The following ANKRD33B variants were observed in gnomAD, a reference collection of about 807,000 sequenced individuals.
ANKRD33B encodes ankyrin repeat domain-containing protein 33B.
ANKRD33B carries 6 observed loss-of-function variants against 21.5 expected under a neutral mutation model. That is an observed-to-expected ratio of 0.28 (90% confidence interval 0.15 to 0.55). ANKRD33B has a LOEUF of 0.55. Among genes scored for constraint, ANKRD33B ranks in the 20% least tolerant of loss-of-function variants. ANKRD33B has a pLI of 0.94. For synonymous variants in ANKRD33B, 347 were observed against 342.4 expected (o/e 1.01, Z -0.15); for missense variants, 698 against 747.2 (o/e 0.93, Z 0.77).
chr5:10,580,540 C>T (rs913469767), intron 1 of ANKRD33B, among the ~76,000 whole-genome samples: 1 of 152,180 alleles, frequency 6.6e-6, no homozygotes, highest in African/African-American at 2.4e-5. Flanking sequence ...GTTTTCTCTA[C>T]CCTGCTTTCT....
intron 1 of ANKRD33B, among the ~76,000 whole-genome samples, chr5:10,580,003 A>G (rs1481578461): frequency 6.6e-6 from 1 of 151,882 alleles, no homozygotes; most frequent in Non-Finnish European, 1.5e-5. Flanking sequence ...CTCCAGCCCT[A>G]AGCAACCATT....
intron 2 of ANKRD33B, among the ~76,000 whole-genome samples, chr5:10,621,061 G>A (rs1473447): frequency 0.22 from 33,122 of 151,794 alleles, 3,861 homozygotes; most frequent in Non-Finnish European, 0.26. Flanking sequence ...CTTCAATAAC[G>A]CCTTTGTTCT....
At chr5:10,600,758 C>T (rs1402136710) in intron 1 of ANKRD33B, among the ~76,000 whole-genome samples, 1 of 152,140 alleles carries the variant, frequency 6.6e-6, no homozygotes, top group Non-Finnish European at 1.5e-5. Flanking sequence ...TGTGGTTCTT[C>T]CATTTTACAC....
At chr5:10,634,771 A>G (rs556639531) in intron 2 of ANKRD33B, among the ~76,000 whole-genome samples, 1 of 151,382 alleles carries the variant, frequency 6.6e-6, no homozygotes, top group Admixed American at 6.6e-5. Context: ...CTAGATTTCA[A>G]TATGGCGTGT....
Position 10,583,735 on chromosome 5 carries a change from G to A in ANKRD33B, c.366+18902G>A, listed in dbSNP as rs141816576. On this transcript the variant is annotated intron_variant, in intron 1 of 3. Coordinates refer to ENST00000296657, the MANE Select transcript of ANKRD33B (RefSeq NM_001164440.2). ...ACAGTTAAAGAATTTATGTACTTTG[G>A]TAGGAAAATTGTGTTTACCAGCCCT... Among the ~76,000 whole-genome samples the A allele has an allele frequency of 7.5e-4, 114 of 152,314 alleles. 1 individual carries two copies. Among genetic ancestry groups the A allele is most frequent in the African/African-American group, 2.0e-3 (82 of 41,574 alleles).
At chr5:10,573,975 C>T (rs892032451) in intron 1 of ANKRD33B, among the ~76,000 whole-genome samples, 1 of 152,156 alleles carries the variant, frequency 6.6e-6, no homozygotes, top group African/African-American at 2.4e-5. Flanking sequence ...ACCATCATAC[C>T]CCTCCACTCC....
intron 1 of ANKRD33B, among the ~76,000 whole-genome samples, chr5:10,600,732 A>G (rs1735910122): frequency 6.6e-6 from 1 of 152,124 alleles, no homozygotes; most frequent in Admixed American, 6.6e-5. Flanking sequence ...TTTAATAGAA[A>G]CTGCCAGTTT....
chr5:10,614,226 G>A (rs7711871), intron 1 of ANKRD33B, among the ~76,000 whole-genome samples: 132,952 of 152,076 alleles, frequency 0.87, 58,252 homozygotes, highest in East Asian at 0.95. Context: ...AAAGTCTTCA[G>A]CTGATTGGAT....
chr5:10,624,083 T>C (rs1432122031), intron 2 of ANKRD33B, among the ~76,000 whole-genome samples: 1 of 142,364 alleles, frequency 7.0e-6, no homozygotes, highest in Non-Finnish European at 1.6e-5. Flanking sequence ...ATTATTATAA[T>C]GTATTTTTTC....
chr5:10,577,950 A>G (rs527514699), intron 1 of ANKRD33B, among the ~76,000 whole-genome samples: 5 of 152,244 alleles, frequency 3.3e-5, no homozygotes, highest in Admixed American at 2.0e-4. Flanking sequence ...TTTCCTTGGG[A>G]GTACAAAGGC....
intron 1 of ANKRD33B, among the ~76,000 whole-genome samples, chr5:10,587,583 A>AAG (rs1735593730): frequency 6.6e-6 from 1 of 151,492 alleles, no homozygotes; most frequent in Non-Finnish European, 1.5e-5. Flanking sequence ...TGAAAAAAAA[A>AAG]AGAGAAGTAC....
chr5:10,566,032 C>T (rs1735045481), intron 1 of ANKRD33B, among the ~76,000 whole-genome samples: 1 of 152,196 alleles, frequency 6.6e-6, no homozygotes, highest in South Asian at 2.1e-4. Context: ...ATGTCACTCT[C>T]CCCTTGTACT....
At chr5:10,589,692 A>G (rs1251910939) in intron 1 of ANKRD33B, among the ~76,000 whole-genome samples, 1 of 152,172 alleles carries the variant, frequency 6.6e-6, no homozygotes, top group Non-Finnish European at 1.5e-5. Context: ...ATTTTTTTAC[A>G]TATGCTAAAG....
intron 1 of ANKRD33B, 103 bp downstream of exon 1, chr5:10,564,936 C>T (rs1735014465): frequency 7.2e-7 from 1 of 1,384,426 alleles, no homozygotes; most frequent in Non-Finnish European, 9.5e-7. Context: ...GGACCGGTCC[C>T]TCGGTCACTC....
chr5:10,618,485 C>T (rs1736339770), intron 2 of ANKRD33B, 23 bp downstream of exon 2: 1 of 1,505,712 alleles, frequency 6.6e-7, no homozygotes. Flanking sequence ...TTTCCCCTTT[C>T]CTCTCAGAGC....
intron 1 of ANKRD33B, among the ~76,000 whole-genome samples, chr5:10,594,048 GA>G (rs1197288889): frequency 2.6e-5 from 4 of 152,050 alleles, no homozygotes; most frequent in African/African-American, 7.2e-5. Flanking sequence ...AGCTCACGGG[GA>G]TTTTCTCTCC....
intron 1 of ANKRD33B, among the ~76,000 whole-genome samples, chr5:10,617,666 C>T (rs1736315271): frequency 6.6e-6 from 1 of 152,162 alleles, no homozygotes; most frequent in East Asian, 1.9e-4. Context: ...CAGGACACTC[C>T]CCCTACTCAG....
Position 10,619,489 on chromosome 5 carries a change from G to A in ANKRD33B, c.496+1027G>A. ...CAAAGCCACCCTGGGTGGATCTGATGGGTGGGGGGCCAGGGAGGCTGGAAA... is the reference window on the plus strand; with the variant it reads ...CAAAGCCACCCTGGGTGGATCTGATAGGTGGGGGGCCAGGGAGGCTGGAAA... On this transcript the variant is annotated intron_variant, in intron 2 of 3. Coordinates refer to ENST00000296657, the MANE Select transcript of ANKRD33B (RefSeq NM_001164440.2). This position sits in a 1 kb window ranked among gnomAD's most constrained non-coding sequence, Gnocchi z 4.5. 1.6e-6 allele frequency: 1 copy of A among 607,732 alleles called. No homozygotes were observed. The highest frequency in any genetic ancestry group is 1.4e-4 in the East Asian group (1 of 7,126). The allele number at this position is 607,732 out of a possible 1,614,324, so 37.6% of individuals were successfully genotyped here. A position where few individuals can be genotyped will look rare whatever the true frequency, so the allele number is the denominator to read the frequency against.
intron 1 of ANKRD33B, among the ~76,000 whole-genome samples, chr5:10,581,360 C>A (rs979435290): frequency 6.6e-6 from 1 of 152,242 alleles, no homozygotes. Flanking sequence ...GGGAGAGCAG[C>A]CTGTTTGAGG....
Sources: allele counts gnomAD v4.1 joint callset (sites outside exome capture counted in the v4.1 genomes callset), GRCh38; gene constraint gnomAD v4.1.1; non-coding constraint Gnocchi (gnomAD v3.1); transcripts MANE v1.5; gene names NCBI Gene and HGNC (gene_info 2026-07-23, HGNC 2026-07-21).